The following GLT1D1 variants were observed in gnomAD, a reference collection of about 807,000 sequenced individuals.
GLT1D1 encodes glycosyltransferase 1 domain-containing protein 1.
In GLT1D1, 21 loss-of-function variants were observed where a neutral mutation model predicts 28.7. The observed-to-expected ratio is 0.73, with a 90% CI of 0.52 to 1.05. GLT1D1 has a LOEUF of 1.05. Ranked by LOEUF, GLT1D1 falls within the 50% of genes least tolerant of loss-of-function variation. The pLI, the probability that GLT1D1 is intolerant of heterozygous loss-of-function variation, is 0.00. For missense variants in GLT1D1, 343 were observed against 330.6 expected (o/e 1.04, Z -0.29); for synonymous variants, 147 against 124.8 (o/e 1.18, Z -1.19).
At chr12:128,874,836 G>A (rs73438360) in intron 1 of GLT1D1, among the ~76,000 whole-genome samples, 16,515 of 151,956 alleles carry the variant, frequency 0.11, 1,250 homozygotes, top group African/African-American at 0.22. Context: ...ATTGATTTAC[G>A]AATGCTCTTT....
chr12:128,940,389 C>A (rs1359464007), intron 4 of GLT1D1, among the ~76,000 whole-genome samples: 1 of 152,138 alleles, frequency 6.6e-6, no homozygotes, highest in Non-Finnish European at 1.5e-5. Flanking sequence ...CTCCTCCGAG[C>A]AATCCCAAGG....
In GLT1D1 at chr12:128,853,581, C is replaced by A; in HGVS notation, c.-1C>A. The A allele has an allele frequency of 8.9e-7, 1 of 1,128,808 alleles. No homozygotes were observed. The allele number at this position is 1,128,808 out of a possible 1,614,324, so 69.9% of individuals were successfully genotyped here. On this transcript the variant is annotated 5_prime_UTR_variant, in exon 1 of 8. Transcript: ENST00000281703. Reference sequence around the variant, plus strand: ...TCGATGGCCCGGGCGGCGGCGGCGGCATGCGGCTCCTGTTCCTGGCGGTGC... The same window carrying A: ...TCGATGGCCCGGGCGGCGGCGGCGGAATGCGGCTCCTGTTCCTGGCGGTGC...
intron 4 of GLT1D1, among the ~76,000 whole-genome samples, chr12:128,914,080 T>C (rs951582955): frequency 6.6e-6 from 1 of 152,214 alleles, no homozygotes; most frequent in South Asian, 2.1e-4. Context: ...TTTTATAAAA[T>C]TTCAAAATGT....
At chr12:128,908,453 C>CTCTTTCCTTCTT (rs763477310) in intron 4 of GLT1D1, among the ~76,000 whole-genome samples, 3 of 142,828 alleles carry the variant, frequency 2.1e-5, no homozygotes, top group Non-Finnish European at 4.5e-5. Flanking sequence ...CCTTCTTTCC[C>CTCTTTCCTTCTT]TCTTTCCTTC....
intron 4 of GLT1D1, among the ~76,000 whole-genome samples, chr12:128,939,998 G>A (rs1055809074): frequency 6.6e-6 from 1 of 151,638 alleles, no homozygotes; most frequent in African/African-American, 2.4e-5. Context: ...ACACATATGT[G>A]TGCATATATA....
At chr12:128,945,395 T>C (rs746629790) in intron 5 of GLT1D1, 26 bp downstream of exon 9, 1 of 1,604,522 alleles carries the variant, frequency 6.2e-7, no homozygotes, top group Non-Finnish European at 8.5e-7. Flanking sequence ...GACCAGTCAT[T>C]TTGCAGAACG....
chr12:128,958,461 A>C (rs1442241494), intron 7 of GLT1D1, among the ~76,000 whole-genome samples: 2 of 151,832 alleles, frequency 1.3e-5, no homozygotes, highest in African/African-American at 2.4e-5. Context: ...GGCTGGGTGC[A>C]GTGGTTCAGT....
chr12:128,903,276 C>T (rs74463815), intron 4 of GLT1D1, among the ~76,000 whole-genome samples: 1,663 of 151,680 alleles, frequency 0.011, 71 homozygotes, highest in African/African-American at 0.038. Flanking sequence ...TGGTGGGGAC[C>T]CCTGAGGCCT....
At chr12:128,881,550 AAAAAAAAAAAAATATATATATATAT>A (rs1271528095) in intron 2 of GLT1D1, among the ~76,000 whole-genome samples, 4 of 73,524 alleles carry the variant, frequency 5.4e-5, no homozygotes, top group African/African-American at 2.3e-4. Flanking sequence ...AAAAAAAAAA[AAAAAAAAAAAAATATATATATATAT>A]ATATATATAT....
chr12:128,915,707 A>G (rs1872043309), intron 4 of GLT1D1, among the ~76,000 whole-genome samples: 1 of 152,200 alleles, frequency 6.6e-6, no homozygotes, highest in African/African-American at 2.4e-5. Context: ...TTCATCACCA[A>G]AAAGAAACTG....
At chr12:128,952,934 A>G (rs373208973) in intron 6 of GLT1D1, among the ~76,000 whole-genome samples, 21 of 151,710 alleles carry the variant, frequency 1.4e-4, no homozygotes, top group East Asian at 9.7e-4. Flanking sequence ...ATGCACCACC[A>G]TGCCCAGCTA....
intron 7 of GLT1D1, 79 bp from the exon 12 acceptor site, chr12:128,982,850 C>A: frequency 2.2e-6 from 3 of 1,354,894 alleles, no homozygotes; most frequent in Non-Finnish European, 3.1e-6. Flanking sequence ...GCAGCCAATG[C>A]AGACACAGGA....
chr12:128,870,082 T>G (rs1956644627), intron 1 of GLT1D1, among the ~76,000 whole-genome samples: 1 of 152,040 alleles, frequency 6.6e-6, no homozygotes, highest in Non-Finnish European at 1.5e-5. Context: ...AGCTACTTTT[T>G]GTATTTTTAG....
chr12:128,897,311 A>G (rs1388988417), intron 3 of GLT1D1, among the ~76,000 whole-genome samples: 1 of 152,030 alleles, frequency 6.6e-6, no homozygotes, highest in African/African-American at 2.4e-5. Context: ...CTCCATGTCA[A>G]TTGCACATGT....
At chr12:128,870,853 T>C (rs1270196036) in intron 1 of GLT1D1, among the ~76,000 whole-genome samples, 1 of 152,118 alleles carries the variant, frequency 6.6e-6, no homozygotes, top group East Asian at 1.9e-4. Flanking sequence ...TAGCTATGTG[T>C]GGTGGCACGT....
chr12:128,922,904 C>T (rs758676846), intron 4 of GLT1D1, among the ~76,000 whole-genome samples: 13 of 122,882 alleles, frequency 1.1e-4, no homozygotes, highest in Non-Finnish European at 1.8e-4. Context: ...GCCTGGGCTA[C>T]AGGCTGAGAC....
At chr12:128,974,005 A>G (rs1879521458) in intron 7 of GLT1D1, among the ~76,000 whole-genome samples, 1 of 145,662 alleles carries the variant, frequency 6.9e-6, no homozygotes. Flanking sequence ...CGGTGCTCAG[A>G]GGGGGACAGT....
intron 4 of GLT1D1, among the ~76,000 whole-genome samples, chr12:128,912,986 A>G (rs1871701916): frequency 6.6e-6 from 1 of 152,232 alleles, no homozygotes; most frequent in South Asian, 2.1e-4. Context: ...TTATAAAATA[A>G]TGATTTAAAA....
chr12:128,941,525 G>A (rs1012165465), intron 4 of GLT1D1, among the ~76,000 whole-genome samples: 5 of 146,698 alleles, frequency 3.4e-5, no homozygotes, highest in Non-Finnish European at 7.5e-5. Context: ...GAGTCTATAT[G>A]TATTCTTTGG....
Sources: gnomAD v4.1 joint callset for allele counts (sites outside exome capture counted in the v4.1 genomes callset) on GRCh38, gnomAD v4.1.1 for gene constraint, MANE v1.5 for transcripts, NCBI Gene and HGNC (gene_info 2026-07-23, HGNC 2026-07-21) for gene names.